Variants in FRYL observed in about 807,000 individuals in gnomAD.
The protein encoded by FRYL is FRY like transcription coactivator.
FRYL carries 150 observed loss-of-function variants against 351.2 expected under a neutral mutation model. That is an observed-to-expected ratio of 0.43 (90% confidence interval 0.37 to 0.49). The LOEUF is 0.49. Among genes scored for constraint, FRYL ranks in the 20% least tolerant of loss-of-function variants. The probability of loss-of-function intolerance (pLI) is 0.00; values close to 1 mark genes in which losing one functional copy is unlikely to be tolerated. For synonymous variants in FRYL, 1,153 were observed against 1,257.1 expected (o/e 0.92, Z 1.75); for missense variants, 3,036 against 3,619.3 (o/e 0.84, Z 4.13).
chr4:48,779,650 G>A (rs1776429745), intron 1 of FRYL, among the ~76,000 whole-genome samples: 1 of 151,966 alleles, frequency 6.6e-6, no homozygotes, highest in Non-Finnish European at 1.5e-5. Flanking sequence ...CTTCCTTCCC[G>A]CGGGGCGGCT....
chr4:48,544,933 T>C lies in FRYL; in HGVS notation c.5280-29A>G, dbSNP rs1353997662. 13 of 1,575,758 alleles carry C rather than the reference T, an allele frequency of 8.3e-6. No individual in the cohort carries two copies. In the East Asian group the frequency reaches 2.9e-4, roughly 36 times the overall value. On this transcript the variant is annotated intron_variant, in intron 42 of 63. Transcript: ENST00000358350. ...AAAACAGAGAACAGATGTAATTTCC[T>C]TGGATTTTCACTTGTGATTAACAGT...
At chr4:48,721,227 C>T (rs1238501121) in intron 1 of FRYL, among the ~76,000 whole-genome samples, 1 of 152,120 alleles carries the variant, frequency 6.6e-6, no homozygotes, top group Non-Finnish European at 1.5e-5. Context: ...AACGTAAACA[C>T]CTATGGCCAT....
At chr4:48,520,854 A>G (rs2148824356) in intron 55 of FRYL, among the ~76,000 whole-genome samples, 194 bp downstream of exon 55, 1 of 152,294 alleles carries the variant, frequency 6.6e-6, no homozygotes, top group South Asian at 2.1e-4. Context: ...ATTATTTTTA[A>G]CCTGTAGGTC....
intron 53 of FRYL, among the ~76,000 whole-genome samples, chr4:48,526,450 T>C (rs999462151): frequency 5.3e-5 from 8 of 152,152 alleles, no homozygotes; most frequent in African/African-American, 1.2e-4. Flanking sequence ...GAAAGTAGCA[T>C]GTGTCCTAAT....
chr4:48,658,584 C>A (rs920195168), intron 3 of FRYL, among the ~76,000 whole-genome samples: 645 of 95,620 alleles, frequency 6.7e-3, no homozygotes, highest in Non-Finnish European at 8.1e-3. Context: ...CAAAAAAATA[C>A]AAAAAAAAAA....
At chr4:48,741,653 G>A (rs1335066776) in intron 1 of FRYL, among the ~76,000 whole-genome samples, 7 of 152,006 alleles carry the variant, frequency 4.6e-5, no homozygotes, top group African/African-American at 7.2e-5. Context: ...CCGAAATGGC[G>A]CCACTATACT....
At position 48,540,636 on chromosome 4, in the gene FRYL, A is replaced by G; in HGVS notation, c.6012T>C (p.Phe2004=). The change falls in exon 46 of 64, where the codon TTT becomes TTC. Residue 2004 remains phenylalanine, a synonymous_variant. Coordinates refer to ENST00000358350, the MANE Select transcript of FRYL (RefSeq NM_015030.2). ...TEPTNLMATI[F]WIAASLLESD... is the part of the protein sequence containing the mutation. ...ATTCTAATAAAGATGCTGCTATCCA[A>G]AAAATGGTGGCCATCAAGTTGGTAG... is the stretch of plus-strand genomic sequence containing the variant. 1 of 1,614,014 alleles carries G rather than the reference A, an allele frequency of 6.2e-7. No homozygotes were observed. The highest frequency in any genetic ancestry group is 2.2e-5 in the East Asian group (1 of 44,876).
At chr4:48,539,893 A>C in intron 47 of FRYL, 78 bp downstream of exon 47, 1 of 1,054,724 alleles carries the variant, frequency 9.5e-7, no homozygotes, top group Non-Finnish European at 1.4e-6. Flanking sequence ...AGGAGTTTTA[A>C]GAGATTTCCC....
At chr4:48,671,569 AG>A (rs972933065) in intron 3 of FRYL, among the ~76,000 whole-genome samples, 2 of 152,154 alleles carry the variant, frequency 1.3e-5, no homozygotes, top group African/African-American at 4.8e-5. Context: ...CGGGAGGCTG[AG>A]GCAGGAGAAT....
At chr4:48,712,367 G>T (rs1277770556) in intron 1 of FRYL, among the ~76,000 whole-genome samples, 4 of 152,100 alleles carry the variant, frequency 2.6e-5, no homozygotes, top group Non-Finnish European at 5.9e-5. Flanking sequence ...ACAGAGAAGT[G>T]CTTAAAGGAG....
chr4:48,534,781 A>G (rs1728502399), intron 48 of FRYL, 96 bp from the exon 49 acceptor site: 1 of 736,372 alleles, frequency 1.4e-6, no homozygotes, highest in East Asian at 2.7e-5. Context: ...ACATAGATTT[A>G]GCCTATGAGT....
At chr4:48,613,886 G>A (rs1748764728) in intron 7 of FRYL, among the ~76,000 whole-genome samples, 2 of 151,294 alleles carry the variant, frequency 1.3e-5, no homozygotes, top group Admixed American at 1.3e-4. Context: ...AACCCAAGAG[G>A]TGGAGGTTGC....
chr4:48,721,803 G>C (rs1276792857), intron 1 of FRYL, among the ~76,000 whole-genome samples: 1 of 152,042 alleles, frequency 6.6e-6, no homozygotes, highest in Non-Finnish European at 1.5e-5. Context: ...ACCACACCCG[G>C]CTAATTTATG....
Position 48,580,955 on chromosome 4 carries a change from T to C in FRYL, c.2173-4A>G. The C allele has an allele frequency of 6.4e-7, 1 of 1,571,770 alleles. No individual in the cohort carries two copies. The highest frequency in any genetic ancestry group is 1.2e-5 in the South Asian group (1 of 84,714). On this transcript the variant is annotated splice_region_variant and splice_polypyrimidine_tract_variant and intron_variant, in intron 21 of 63. Coordinates refer to ENST00000358350, the MANE Select transcript of FRYL (RefSeq NM_015030.2). The stretch of plus-strand genomic sequence containing the variant: ...CTATGGCTAATTCATCATCACCCTG[T>C]AAAAAAGACATCATATGTCTAAAAA...
intron 1 of FRYL, among the ~76,000 whole-genome samples, chr4:48,717,805 T>C (rs2149603887): frequency 6.6e-6 from 1 of 151,542 alleles, no homozygotes; most frequent in African/African-American, 2.4e-5. Context: ...CATTCCAAAG[T>C]ACTGGGATTT....
chr4:48,500,595 A>T (rs993922163), intron 62 of FRYL, among the ~76,000 whole-genome samples: 7 of 152,312 alleles, frequency 4.6e-5, no homozygotes, highest in African/African-American at 1.7e-4. Context: ...ATTTTTATAT[A>T]AAAAATAAAT....
chr4:48,705,771 T>C (rs1767273473), intron 2 of FRYL, among the ~76,000 whole-genome samples: 1 of 152,170 alleles, frequency 6.6e-6, no homozygotes. Context: ...TTAAACAGTA[T>C]AGTATTTCTG....
chr4:48,678,895 AATT>A (rs1764198721), intron 3 of FRYL, among the ~76,000 whole-genome samples: 1 of 152,118 alleles, frequency 6.6e-6, no homozygotes, highest in Non-Finnish European at 1.5e-5. Flanking sequence ...TATAAAATCT[AATT>A]ATTATAAATT....
At chr4:48,677,324 G>C (rs1367060799) in intron 3 of FRYL, among the ~76,000 whole-genome samples, 1 of 151,956 alleles carries the variant, frequency 6.6e-6, no homozygotes, top group Non-Finnish European at 1.5e-5. Context: ...ATTCTCGGTT[G>C]ATTCTCTCAC....
Sources: gnomAD v4.1 joint callset for allele counts (sites outside exome capture counted in the v4.1 genomes callset) on GRCh38, gnomAD v4.1.1 for gene constraint, MANE v1.5 for transcripts, NCBI Gene and HGNC (gene_info 2026-07-23, HGNC 2026-07-21) for gene names.